Variants in KIRREL3 observed in about 807,000 individuals in gnomAD.
The protein encoded by KIRREL3 is kin of IRRE-like protein 3.
A neutral mutation model predicts 89.7 loss-of-function variants in KIRREL3; 36 were observed. The observed-to-expected ratio is 0.40, with a 90% CI of 0.31 to 0.53. KIRREL3 has a LOEUF of 0.53. Ranked by LOEUF, KIRREL3 falls within the 20% of genes least tolerant of loss-of-function variation. The pLI is 0.49. For missense variants in KIRREL3, 864 were observed against 1,056.6 expected (o/e 0.82, Z 2.53); for synonymous variants, 445 against 441.4 (o/e 1.01, Z -0.10).
intron 1 of KIRREL3, among the ~76,000 whole-genome samples, chr11:126,950,372 A>G (rs1467349519): frequency 6.6e-6 from 1 of 152,198 alleles, no homozygotes; most frequent in Non-Finnish European, 1.5e-5. Context: ...TCTGAAAACA[A>G]AAACAAAAAC....
intron 1 of KIRREL3, among the ~76,000 whole-genome samples, chr11:126,638,973 A>T (rs1461862056): frequency 6.6e-6 from 1 of 152,132 alleles, no homozygotes; most frequent in African/African-American, 2.4e-5. Flanking sequence ...GGGGCTGGAC[A>T]GTACACTTTA....
intron 1 of KIRREL3, among the ~76,000 whole-genome samples, chr11:126,793,397 C>T (rs1000919238): frequency 6.6e-5 from 10 of 152,194 alleles, no homozygotes; most frequent in Admixed American, 1.3e-4. Flanking sequence ...TTCCTTCAAA[C>T]CGCTCTTAGT....
rs1453338042 is a variant in KIRREL3 at position 126,747,361 on chromosome 11, A to G, written c.56-184449T>C. Among the ~76,000 whole-genome samples the G allele has an allele frequency of 6.6e-6, 1 of 152,188 alleles. No individual in the cohort carries two copies. Among genetic ancestry groups the G allele is most frequent in the Non-Finnish European group, 1.5e-5 (1 of 68,022 alleles). On this transcript the variant is annotated intron_variant, in intron 1 of 16. Transcript: ENST00000525144. This position sits in a 1 kb window ranked among gnomAD's most constrained non-coding sequence, Gnocchi z 4.7. ...ATCTAGCGTAGCGTAAGTCCTCCAT[A>G]CTGAAAGCTAGTACCGTCGTCCCAT...
Position 126,455,840 on chromosome 11 carries a change from A to T in KIRREL3, c.848+509T>A, listed in dbSNP as rs372354526. On this transcript the variant is annotated intron_variant, in intron 7 of 16. Coordinates refer to ENST00000525144, the MANE Select transcript of KIRREL3 (RefSeq NM_032531.4). The surrounding 1 kb of genome is among the most constrained non-coding windows in gnomAD (Gnocchi z 6.4). ...AACAAACAAACAAACCAACAAACCA[A>T]ACAGTGGTGCTTTTATCCGTGTTGT... Among the ~76,000 whole-genome samples, 1 of 151,528 alleles carries T rather than the reference A, an allele frequency of 6.6e-6. No individual in the cohort carries two copies. Among genetic ancestry groups the T allele is most frequent in the East Asian group, 2.0e-4 (1 of 5,118 alleles).
chr11:126,825,023 G>A (rs1943358707), intron 1 of KIRREL3, among the ~76,000 whole-genome samples: 1 of 152,188 alleles, frequency 6.6e-6, no homozygotes, highest in Non-Finnish European at 1.5e-5. Flanking sequence ...CAATTTGACT[G>A]ATGCAGTTCC....
chr11:126,774,494 C>G (rs569885409), intron 1 of KIRREL3, among the ~76,000 whole-genome samples: 1 of 152,196 alleles, frequency 6.6e-6, no homozygotes, highest in Non-Finnish European at 1.5e-5. Flanking sequence ...TGGTCATCCA[C>G]GCTCTGGGCT....
intron 1 of KIRREL3, among the ~76,000 whole-genome samples, chr11:126,700,295 T>C (rs1219407752): frequency 1.3e-5 from 2 of 152,104 alleles, no homozygotes; most frequent in African/African-American, 4.8e-5. Context: ...CTGAAACAAG[T>C]ATATGTACAC....
intron 2 of KIRREL3, among the ~76,000 whole-genome samples, chr11:126,547,457 G>A (rs980415145): frequency 3.9e-5 from 6 of 152,208 alleles, no homozygotes; most frequent in African/African-American, 1.2e-4. Context: ...GTGTGTACGC[G>A]TGATCCCTCC....
At chr11:126,662,278 T>G (rs186617099) in intron 1 of KIRREL3, among the ~76,000 whole-genome samples, 1 of 152,288 alleles carries the variant, frequency 6.6e-6, no homozygotes, top group East Asian at 1.9e-4. Flanking sequence ...TAAATGACTT[T>G]GGGGAGTCTG....
rs1940088710 is a variant in KIRREL3, at chr11:126,561,135, AGAG to A, written c.133+1697_133+1699del. Among the ~76,000 whole-genome samples the A allele has an allele frequency of 2.6e-5, 4 of 152,324 alleles. No individual in the cohort carries two copies. In the South Asian group the frequency reaches 6.2e-4, roughly 24 times the overall value. On this transcript the variant is annotated intron_variant, in intron 2 of 16. Transcript: ENST00000525144. The surrounding 1 kb of genome is among the most constrained non-coding windows in gnomAD (Gnocchi z 4.5). ...CAGCAAGGCTGGCTGGAGTGGAAGA[AGAG>A]GAGCTTCCTCCCTCCAGAGCCCTCC... is the stretch of plus-strand genomic sequence containing the variant.
chr11:126,903,774 A>T lies in KIRREL3; in HGVS notation c.55+96681T>A, dbSNP rs984356760. On this transcript the variant is annotated intron_variant, in intron 1 of 16. Coordinates refer to ENST00000525144, the MANE Select transcript of KIRREL3 (RefSeq NM_032531.4). The surrounding 1 kb of genome is among the most constrained non-coding windows in gnomAD (Gnocchi z 4.5). ...CCTTAATAGGTCAACATAACAATGG[A>T]TGTTGCTGGTGGAAAAAATAAGAAG... Among the ~76,000 whole-genome samples, 3 of 152,212 alleles carry T rather than the reference A, an allele frequency of 2.0e-5. No homozygotes were observed. Among genetic ancestry groups the T allele is most frequent in the African/African-American group, 7.2e-5 (3 of 41,448 alleles).
chr11:126,846,374 T>C (rs957044211), intron 1 of KIRREL3, among the ~76,000 whole-genome samples: 1 of 152,216 alleles, frequency 6.6e-6, no homozygotes, highest in Non-Finnish European at 1.5e-5. Flanking sequence ...TGTTTATATA[T>C]GAAAGAGCTT....
rs1473071114 is a variant in KIRREL3 at position 126,694,212 on chromosome 11, C to T, written c.56-131300G>A. Among the ~76,000 whole-genome samples the T allele has an allele frequency of 6.6e-6, 1 of 152,228 alleles. No homozygotes were observed. The highest frequency in any genetic ancestry group is 1.5e-5 in the Non-Finnish European group (1 of 68,044). On this transcript the variant is annotated intron_variant, in intron 1 of 16. Transcript: ENST00000525144. This position sits in a 1 kb window ranked among gnomAD's most constrained non-coding sequence, Gnocchi z 4.4. The stretch of plus-strand genomic sequence containing the variant: ...AGGGATGGGGAAATAATGAAAAAGG[C>T]TCTTTGTTTTTCCCCCAGTCCGAAC...
In KIRREL3 at chr11:126,796,585, G is replaced by A. The variant is rs866704304; in HGVS notation, c.55+203870C>T. On this transcript the variant is annotated intron_variant, in intron 1 of 16. Transcript: ENST00000525144. This position sits in a 1 kb window ranked among gnomAD's most constrained non-coding sequence, Gnocchi z 5.1. ...CTAGCTGGTACCCACTGGGTGATTG[G>A]GCACTAGAAATGTTGGCACAAGTGC... Among the ~76,000 whole-genome samples the A allele has an allele frequency of 1.3e-5, 2 of 152,140 alleles. No individual in the cohort carries two copies. Among genetic ancestry groups the A allele is most frequent in the Non-Finnish European group, 2.9e-5 (2 of 68,024 alleles).
In KIRREL3 at chr11:126,450,349, C is replaced by G. The variant is rs192376382; in HGVS notation, c.849-1192G>C. ...CATGTGTGAGCGTGGGCATGTGTGT[C>G]CATGTGCATGTGTGCATGTGTGAGT... On this transcript the variant is annotated intron_variant, in intron 7 of 16. Transcript: ENST00000525144. 8.3e-3 allele frequency among the ~76,000 whole-genome samples: 926 copies of G among 111,400 alleles called. 2 individuals carry two copies. The highest frequency in any genetic ancestry group is 0.014 in the Non-Finnish European group (747 of 53,382). 73.1% of individuals were successfully genotyped at this position (111,400 alleles called of 152,430 possible). A position where few individuals can be genotyped will look rare whatever the true frequency, so the allele number is the denominator to read the frequency against.
chr11:126,851,625 CACCAAG>C (rs1192236794), intron 1 of KIRREL3, among the ~76,000 whole-genome samples: 1 of 152,168 alleles, frequency 6.6e-6, no homozygotes, highest in Admixed American at 6.5e-5. Flanking sequence ...CCTGAACCCC[CACCAAG>C]ACCAAGGTGT....
intron 1 of KIRREL3, among the ~76,000 whole-genome samples, chr11:126,895,165 G>C (rs1946098531): frequency 6.6e-6 from 1 of 152,072 alleles, no homozygotes; most frequent in South Asian, 2.1e-4. Flanking sequence ...CTTCCTTCTT[G>C]TGAAAGCAAG....
intron 1 of KIRREL3, among the ~76,000 whole-genome samples, chr11:126,665,216 G>T (rs1945603593): frequency 6.6e-6 from 1 of 152,192 alleles, no homozygotes; most frequent in Non-Finnish European, 1.5e-5. Context: ...ACAGCTAATA[G>T]TCTGGGAATG....
rs113515014 is a variant in KIRREL3, at chr11:126,485,063, G to A, written c.434-11597C>T. Among the ~76,000 whole-genome samples the A allele has an allele frequency of 2.9e-4, 44 of 152,112 alleles. No individual in the cohort carries two copies. The highest frequency in any genetic ancestry group is 2.3e-3 in the East Asian group (12 of 5,178). ...TCAAACGCCTGACCTCAGGTGATCCGCCCACCTTAGCCTCCAAAGTGCTGG... is the reference window on the plus strand; with the variant it reads ...TCAAACGCCTGACCTCAGGTGATCCACCCACCTTAGCCTCCAAAGTGCTGG... On this transcript the variant is annotated intron_variant, in intron 4 of 16. Transcript: ENST00000525144. The surrounding 1 kb of genome is among the most constrained non-coding windows in gnomAD (Gnocchi z 5.8).
Sources: gnomAD v4.1 joint callset for allele counts (sites outside exome capture counted in the v4.1 genomes callset) on GRCh38, gnomAD v4.1.1 for gene constraint, Gnocchi (gnomAD v3.1) non-coding constraint, MANE v1.5 for transcripts, NCBI Gene and HGNC (gene_info 2026-07-23, HGNC 2026-07-21) for gene names.